UTS2B: variants seen among roughly 807,000 people sequenced by gnomAD.
The protein encoded by UTS2B is urotensin-2B.
Under a neutral mutation model 19.2 loss-of-function variants are expected in UTS2B, and 21 were observed. The observed-to-expected ratio is 1.09, with a 90% CI of 0.78 to 1.58. The LOEUF is 1.58. UTS2B is among the 40% of genes most tolerant of loss of function. The probability of loss-of-function intolerance (pLI) is 0.00; values close to 1 mark genes in which losing one functional copy is unlikely to be tolerated. For missense variants in UTS2B, 138 were observed against 130.3 expected (o/e 1.06, Z -0.29); for synonymous variants, 57 against 50.2 (o/e 1.14, Z -0.58).
the UTS2B span, among the ~76,000 whole-genome samples, chr3:191,342,943 G>T: frequency 4.6e-5 from 7 of 152,116 alleles, no homozygotes; most frequent in Non-Finnish European, 7.4e-5. Context: ...TAATTGATAA[G>T]TACCTTTAAA....
At chr3:191,345,413 C>G in the UTS2B span, among the ~76,000 whole-genome samples, 1 of 152,166 alleles carries the variant, frequency 6.6e-6, no homozygotes, top group Non-Finnish European at 1.5e-5. Flanking sequence ...GTAAAGACTG[C>G]TCTGTTTCTA....
intron 4 of UTS2B, among the ~76,000 whole-genome samples, chr3:191,284,209 T>C (rs1373763822): frequency 1.3e-5 from 2 of 152,124 alleles, no homozygotes; most frequent in African/African-American, 2.4e-5. Context: ...TTTTAAAAAG[T>C]GTTGATGTAA....
chr3:191,308,284 C>T (rs535068056), intron 3 of UTS2B, among the ~76,000 whole-genome samples: 5 of 152,306 alleles, frequency 3.3e-5, no homozygotes, highest in Admixed American at 6.5e-5. Flanking sequence ...CACATGAATA[C>T]GTCCTAAGTG....
the UTS2B span, among the ~76,000 whole-genome samples, chr3:191,337,594 C>T: frequency 6.6e-6 from 1 of 151,978 alleles, no homozygotes; most frequent in African/African-American, 2.4e-5. Flanking sequence ...CCGCCCATCT[C>T]GGCCTCCCAA....
At chr3:191,316,963 A>C (rs1409594416) in intron 2 of UTS2B, among the ~76,000 whole-genome samples, 1 of 152,234 alleles carries the variant, frequency 6.6e-6, no homozygotes, top group Non-Finnish European at 1.5e-5. Flanking sequence ...AGCGGATCCC[A>C]CGCCGGGGCT....
chr3:191,343,191 C>G, the UTS2B span, among the ~76,000 whole-genome samples: 1 of 152,148 alleles, frequency 6.6e-6, no homozygotes, highest in Non-Finnish European at 1.5e-5. Context: ...AACCAGTCCC[C>G]CTCACGTATA....
chr3:191,276,937 A>G, intron 6 of UTS2B, 93 bp from the exon 7 acceptor site: 5 of 1,146,892 alleles, frequency 4.4e-6, no homozygotes, highest in Non-Finnish European at 6.3e-6. Context: ...CGTAGAAAGC[A>G]TAGGTCTTTT....
the UTS2B span, among the ~76,000 whole-genome samples, chr3:191,345,219 T>G: frequency 6.6e-6 from 1 of 152,350 alleles, no homozygotes; most frequent in South Asian, 2.1e-4. Context: ...GCTTCTGTTT[T>G]GTTACTCCCA....
intron 8 of UTS2B, among the ~76,000 whole-genome samples, chr3:191,269,307 A>AAGGCCTACTTCACAAAGCGCCT (rs1234996609): frequency 6.6e-6 from 1 of 152,104 alleles, no homozygotes; most frequent in African/African-American, 2.4e-5. Flanking sequence ...CTCCCCAAAT[A>AAGGCCTACTTCACAAAGCGCCT]CACCGTAGCC....
chr3:191,308,227 TGGAATCCAGGCACCTGGTAGGGCTA>T lies in UTS2B; in HGVS notation c.-181-3704_-181-3680del, dbSNP rs1236475171. ...AGCTATCGCTAGAACTTCAGTGGCT[TGGAATCCAGGCACCTGGTAGGGCTA>T]GGAATAAAGGAAGAGCTAAGCCACA... On this transcript the variant is annotated intron_variant, in intron 3 of 8. Transcript: ENST00000340524. Among the ~76,000 whole-genome samples the T allele has an allele frequency of 3.9e-5, 6 of 152,306 alleles. No homozygotes were observed. The East Asian group carries it at 5.8e-4, about 15-fold the overall frequency.
At chr3:191,281,254 A>T (rs1456184694) in intron 5 of UTS2B, among the ~76,000 whole-genome samples, 1 of 152,208 alleles carries the variant, frequency 6.6e-6, no homozygotes, top group African/African-American at 2.4e-5. Flanking sequence ...GGAGAGAAAC[A>T]GCAAGAATTT....
chr3:191,290,859 A>C (rs921834886), intron 4 of UTS2B, among the ~76,000 whole-genome samples: 1 of 152,194 alleles, frequency 6.6e-6, no homozygotes, highest in Non-Finnish European at 1.5e-5. Context: ...GGTGACTCAA[A>C]CTGATTTGAA....
upstream of UTS2B, among the ~76,000 whole-genome samples, chr3:191,331,278 C>T (rs1717974388): frequency 6.6e-6 from 1 of 152,102 alleles, no homozygotes; most frequent in South Asian, 2.1e-4. Context: ...TGATTTTATC[C>T]AATCCCCTAT....
chr3:191,332,395 A>T (rs1718020454), upstream of UTS2B, among the ~76,000 whole-genome samples: 1 of 152,240 alleles, frequency 6.6e-6, no homozygotes, highest in African/African-American at 2.4e-5. Context: ...GGTGAAAAGA[A>T]TCAAGTCAAC....
At chr3:191,303,121 C>T (rs1576927116) in intron 4 of UTS2B, among the ~76,000 whole-genome samples, 1 of 152,290 alleles carries the variant, frequency 6.6e-6, no homozygotes, top group South Asian at 2.1e-4. Context: ...TTCAGCACCC[C>T]ATAACCTGTG....
intron 3 of UTS2B, among the ~76,000 whole-genome samples, chr3:191,310,310 G>A (rs1243378003): frequency 6.6e-6 from 1 of 151,032 alleles, no homozygotes; most frequent in Non-Finnish European, 1.5e-5. Context: ...GACCTAACAC[G>A]AAGATAGAGA....
At chr3:191,291,288 G>A (rs564665460) in intron 4 of UTS2B, among the ~76,000 whole-genome samples, 2 of 152,134 alleles carry the variant, frequency 1.3e-5, no homozygotes, top group South Asian at 4.2e-4. Context: ...GTCTTTTGAA[G>A]AACAAAGGGT....
At chr3:191,305,867 A>G (rs1426875777) in intron 3 of UTS2B, among the ~76,000 whole-genome samples, 1 of 152,176 alleles carries the variant, frequency 6.6e-6, no homozygotes, top group Non-Finnish European at 1.5e-5. Context: ...GCCCAGTTTC[A>G]ATTTTCTGCA....
At chr3:191,333,234 A>G (rs144727245), upstream of UTS2B, among the ~76,000 whole-genome samples, 6 of 152,302 alleles carry the variant, frequency 3.9e-5, no homozygotes, top group East Asian at 1.2e-3. Flanking sequence ...GAAAGATACA[A>G]TTTAATACAT....
Sources: gnomAD v4.1 joint callset for allele counts (sites outside exome capture counted in the v4.1 genomes callset) on GRCh38, gnomAD v4.1.1 for gene constraint, MANE v1.5 for transcripts, NCBI Gene and HGNC (gene_info 2026-07-23, HGNC 2026-07-21) for gene names.